Variants in PTPRD observed in about 807,000 individuals in gnomAD.
The protein encoded by PTPRD is protein tyrosine phosphatase receptor type D.
Under a neutral mutation model 214.5 loss-of-function variants are expected in PTPRD, and 34 were observed. That is an observed-to-expected ratio of 0.16 (90% confidence interval 0.12 to 0.21). PTPRD has a LOEUF of 0.21. Ranked by LOEUF, PTPRD falls within the 10% of genes least tolerant of loss-of-function variation. The probability of loss-of-function intolerance (pLI) is 1.00; values close to 1 mark genes in which losing one functional copy is unlikely to be tolerated. For synonymous variants in PTPRD, 1,128 were observed against 845.7 expected (o/e 1.33, Z -5.79); for missense variants, 2,545 against 2,398.7 (o/e 1.06, Z -1.27).
chr9:9,127,576 T>C (rs972414769), intron 10 of PTPRD, among the ~76,000 whole-genome samples: 1 of 152,168 alleles, frequency 6.6e-6, no homozygotes, highest in Non-Finnish European at 1.5e-5. Context: ...TATTCCACTT[T>C]AGTAAAGACT....
intron 7 of PTPRD, among the ~76,000 whole-genome samples, chr9:9,596,242 T>C (rs2093343448): frequency 6.6e-6 from 1 of 152,008 alleles, no homozygotes; most frequent in African/African-American, 2.4e-5. Context: ...CTTTAATGAA[T>C]ATTTTGTGAT....
intron 7 of PTPRD, among the ~76,000 whole-genome samples, chr9:9,650,260 C>A (rs1437872303): frequency 4.6e-5 from 7 of 152,144 alleles, no homozygotes; most frequent in African/African-American, 1.4e-4. Flanking sequence ...CTGAGGCCTC[C>A]CCAGCCATGC....
At chr9:9,433,181 T>C (rs901961945) in intron 8 of PTPRD, among the ~76,000 whole-genome samples, 5 of 152,180 alleles carry the variant, frequency 3.3e-5, no homozygotes, top group African/African-American at 9.7e-5. Context: ...TGATTTTGCA[T>C]TGCCAGACCT....
At chr9:8,807,247 G>C (rs922451835) in intron 11 of PTPRD, among the ~76,000 whole-genome samples, 1 of 152,134 alleles carries the variant, frequency 6.6e-6, no homozygotes, top group African/African-American at 2.4e-5. Flanking sequence ...TGAGGCAGGA[G>C]AATCGCTTGA....
At position 8,968,249 on chromosome 9, in the gene PTPRD, T is replaced by C. The variant is rs529262810; in HGVS notation, c.-104+50448A>G. Among the ~76,000 whole-genome samples the C allele has an allele frequency of 2.2e-4, 34 of 152,274 alleles. No homozygotes were observed. In the South Asian group the frequency reaches 6.6e-3, roughly 30 times the overall value. On this transcript the variant is annotated intron_variant, in intron 11 of 45. Transcript: ENST00000381196. ...TGTGTCTTTACAGCAGCATGATTTA[T>C]AATCCTTTGGGTATATACCCAGTAA...
intron 43 of PTPRD, among the ~76,000 whole-genome samples, chr9:8,337,672 A>T (rs957740781): frequency 1.3e-5 from 2 of 151,802 alleles, no homozygotes; most frequent in East Asian, 1.9e-4. Context: ...AAAAAAAAAA[A>T]GGTGAGCAAC....
chr9:10,519,135 A>G (rs1403927357), intron 2 of PTPRD, among the ~76,000 whole-genome samples: 1 of 151,890 alleles, frequency 6.6e-6, no homozygotes, highest in African/African-American at 2.4e-5. Context: ...ACAGTTAGAT[A>G]ACTCTTGAGG....
chr9:8,437,201 A>T, intron 34 of PTPRD: 1 of 1,524,256 alleles, frequency 6.6e-7, no homozygotes, highest in Non-Finnish European at 8.8e-7. Flanking sequence ...AACTAACTTG[A>T]AGAATGAAGG....
intron 12 of PTPRD, among the ~76,000 whole-genome samples, chr9:8,699,722 T>A (rs548839051): frequency 3.9e-5 from 6 of 151,932 alleles, no homozygotes; most frequent in African/African-American, 1.2e-4. Flanking sequence ...TCCATCACAT[T>A]GCTTCAGTAG....
chr9:9,448,562 C>A (rs1213169584), intron 8 of PTPRD, among the ~76,000 whole-genome samples: 1 of 152,092 alleles, frequency 6.6e-6, no homozygotes, highest in African/African-American at 2.4e-5. Flanking sequence ...AATTAAACTT[C>A]TTTCCTTCAT....
chr9:8,692,944 A>G (rs1597168574), intron 12 of PTPRD, among the ~76,000 whole-genome samples: 1 of 152,338 alleles, frequency 6.6e-6, no homozygotes, highest in East Asian at 1.9e-4. Context: ...TCCATTCATC[A>G]CACCAGGCTT....
intron 10 of PTPRD, among the ~76,000 whole-genome samples, chr9:9,059,611 A>G (rs2099703495): frequency 6.6e-6 from 1 of 152,210 alleles, no homozygotes; most frequent in Non-Finnish European, 1.5e-5. Flanking sequence ...GTCCTTAAGC[A>G]CATTTGTTAG....
At chr9:9,408,570 G>C (rs2074332756) in intron 8 of PTPRD, among the ~76,000 whole-genome samples, 1 of 151,746 alleles carries the variant, frequency 6.6e-6, no homozygotes, top group African/African-American at 2.4e-5. Flanking sequence ...ATTTTCATCA[G>C]CTTCCACTTA....
At chr9:8,856,741 G>C (rs1352988838) in intron 11 of PTPRD, among the ~76,000 whole-genome samples, 1 of 152,186 alleles carries the variant, frequency 6.6e-6, no homozygotes, top group Admixed American at 6.5e-5. Context: ...TGGTTTTGGA[G>C]AATGGAACTA....
intron 12 of PTPRD, among the ~76,000 whole-genome samples, chr9:8,656,952 A>G (rs2096921740): frequency 6.6e-6 from 1 of 152,184 alleles, no homozygotes; most frequent in Admixed American, 6.5e-5. Context: ...TCACATTACC[A>G]ATAGTAAGTT....
chr9:8,331,194 AG>A (rs1471438436), intron 44 of PTPRD, among the ~76,000 whole-genome samples: 1 of 152,014 alleles, frequency 6.6e-6, no homozygotes, highest in African/African-American at 2.4e-5. Context: ...TTTATTTGAT[AG>A]CTATTCATGA....
chr9:10,610,614 T>C (rs1396900183), intron 2 of PTPRD, among the ~76,000 whole-genome samples: 1 of 152,162 alleles, frequency 6.6e-6, no homozygotes, highest in South Asian at 2.1e-4. Context: ...GGCTTCATTT[T>C]AAATCACTTA....
chr9:9,009,057 C>G (rs1490920642), intron 11 of PTPRD, among the ~76,000 whole-genome samples: 3 of 152,002 alleles, frequency 2.0e-5, no homozygotes, highest in Non-Finnish European at 4.4e-5. Flanking sequence ...ACAACAAAAC[C>G]CATATAATCA....
At chr9:8,934,482 T>C (rs867759120) in intron 11 of PTPRD, among the ~76,000 whole-genome samples, 1 of 7,654 alleles carries the variant, frequency 1.3e-4, no homozygotes, top group Admixed American at 2.4e-3. Flanking sequence ...TATATAAATA[T>C]ATATATATAT....
Sources: allele counts gnomAD v4.1 joint callset (sites outside exome capture counted in the v4.1 genomes callset), GRCh38; gene constraint gnomAD v4.1.1; transcripts MANE v1.5; gene names NCBI Gene and HGNC (gene_info 2026-07-23, HGNC 2026-07-21).